The following STX7 variants were observed in gnomAD, a reference collection of about 807,000 sequenced individuals.
STX7 encodes syntaxin-7.
Under a neutral mutation model 39.6 loss-of-function variants are expected in STX7, and 34 were observed. The observed-to-expected ratio is 0.86, with a 90% CI of 0.65 to 1.14. STX7 has a LOEUF of 1.14. STX7 is among the 50% of genes most tolerant of loss of function. The pLI is 0.00. For missense variants in STX7, 284 were observed against 310.4 expected, an observed-to-expected ratio of 0.92 and a Z score of 0.64; for synonymous variants, 119 against 99.1, an observed-to-expected ratio of 1.20 and a Z score of -1.19.
chr6:132,499,980 C>T (rs752250448), intron 2 of STX7, among the ~76,000 whole-genome samples: 2 of 152,162 alleles, frequency 1.3e-5, no homozygotes, highest in African/African-American at 4.8e-5. Flanking sequence ...ATCTTTAACT[C>T]CTTCCTTCCT....
chr6:132,488,792 A>C (rs1775204769), intron 2 of STX7, among the ~76,000 whole-genome samples: 1 of 152,132 alleles, frequency 6.6e-6, no homozygotes, highest in Non-Finnish European at 1.5e-5. Flanking sequence ...ACATATTTAA[A>C]ACAGGACTAG....
At chr6:132,462,730 A>G (rs1198448075) in intron 9 of STX7, among the ~76,000 whole-genome samples, 1 of 152,076 alleles carries the variant, frequency 6.6e-6, no homozygotes, top group Non-Finnish European at 1.5e-5. Flanking sequence ...AATAAACAGG[A>G]GTGACTGTCA....
rs1774156657 is a variant in STX7 at position 132,452,545 on chromosome 6, TA to T, written c.*8212del. 10 of 152,110 alleles carry T rather than the reference TA, an allele frequency of 6.6e-5. No individual in the cohort carries two copies. The highest frequency in any genetic ancestry group is 1.3e-4 in the Non-Finnish European group (9 of 67,974). 9.4% of individuals were successfully genotyped at this position (152,110 alleles called of 1,614,324 possible). On this transcript the variant is annotated 3_prime_UTR_variant, in exon 10 of 10. Coordinates refer to ENST00000367941, the MANE Select transcript of STX7 (RefSeq NM_003569.3). ...GTAAGTGGGCTCAATAAGGTCTCAG[TA>T]TACAAAATAGAAAAATTCACTTTAT...
chr6:132,470,822 ATATAAT>A (rs71003604), intron 5 of STX7, among the ~76,000 whole-genome samples, 196 bp from the exon 6 acceptor site: 35,702 of 151,836 alleles, frequency 0.24, 4,513 homozygotes, highest in East Asian at 0.54. Flanking sequence ...TCAAGTAATA[ATATAAT>A]TATAAGTAAT....
intron 1 of STX7, 130 bp from the exon 2 acceptor site, chr6:132,503,718 C>T (rs973667395): frequency 4.4e-5 from 17 of 383,124 alleles, no homozygotes; most frequent in African/African-American, 2.3e-4. Flanking sequence ...CAAAGTGACA[C>T]ATCAAATAGC....
At chr6:132,500,345 A>G (rs1775527952) in intron 2 of STX7, among the ~76,000 whole-genome samples, 1 of 152,200 alleles carries the variant, frequency 6.6e-6, no homozygotes, top group African/African-American at 2.4e-5. Flanking sequence ...CTCTTGCCCC[A>G]GATGCTGTGC....
At chr6:132,471,412 C>A in intron 5 of STX7, 51 bp downstream of exon 5, 1 of 1,569,486 alleles carries the variant, frequency 6.4e-7, no homozygotes, top group Non-Finnish European at 8.6e-7. Flanking sequence ...TTTTATGGGA[C>A]CCTTAGCAAG....
rs909531814 is a variant in STX7 at position 132,466,593 on chromosome 6, T to C, written c.610+1810A>G. 3.9e-5 allele frequency among the ~76,000 whole-genome samples: 6 copies of C among 152,198 alleles called. No individual in the cohort carries two copies. In the East Asian group the frequency reaches 5.8e-4, roughly 15 times the overall value. ...AAGTCCTCAGACCCCTTCTATTCTC[T>C]ACCCAGACTTAATCCCTGGATTATC... On this transcript the variant is annotated intron_variant, in intron 8 of 9. Transcript: ENST00000367941.
intron 2 of STX7, among the ~76,000 whole-genome samples, chr6:132,499,148 T>C (rs1421244880): frequency 1.3e-5 from 2 of 152,234 alleles, no homozygotes; most frequent in East Asian, 3.8e-4. Flanking sequence ...GCCCTCACTT[T>C]CAAAACATTT....
chr6:132,492,202 T>C (rs1438668589), intron 2 of STX7, among the ~76,000 whole-genome samples: 1 of 151,884 alleles, frequency 6.6e-6, no homozygotes, highest in African/African-American at 2.4e-5. Flanking sequence ...CCATCTAAAA[T>C]ACTCTTTCCC....
At chr6:132,462,775 T>C (rs1472825257) in intron 9 of STX7, among the ~76,000 whole-genome samples, 1 of 152,156 alleles carries the variant, frequency 6.6e-6, no homozygotes, top group South Asian at 2.1e-4. Flanking sequence ...GCAATCTCCA[T>C]AGCTTCATTA....
intron 2 of STX7, among the ~76,000 whole-genome samples, chr6:132,500,631 G>A (rs9483468): frequency 0.077 from 11,757 of 152,228 alleles, 563 homozygotes; most frequent in East Asian, 0.15. Context: ...TACAATGAGA[G>A]CAGGACCTTA....
chr6:132,510,115 T>G (rs989774678), intron 1 of STX7, among the ~76,000 whole-genome samples: 3 of 152,356 alleles, frequency 2.0e-5, no homozygotes, highest in African/African-American at 7.2e-5. Flanking sequence ...GTTGGTTAAC[T>G]AACACCAAAA....
intron 2 of STX7, among the ~76,000 whole-genome samples, chr6:132,498,376 C>T (rs1775469782): frequency 6.6e-6 from 1 of 151,868 alleles, no homozygotes; most frequent in Admixed American, 6.6e-5. Flanking sequence ...TGGTCTTAAA[C>T]CAAAAAAATG....
In STX7 at chr6:132,461,482, T is replaced by G. The variant is rs542689614; in HGVS notation, c.694-632A>C. Among the ~76,000 whole-genome samples the G allele has an allele frequency of 5.3e-5, 8 of 152,058 alleles. No individual in the cohort carries two copies. In the East Asian group the frequency reaches 1.6e-3, roughly 30 times the overall value. ...CCACCACACCCAGCTAATTTTTTTT[T>G]TGTATTTTTAGTAGAGACGGAGTTT... is the stretch of plus-strand genomic sequence containing the variant. On this transcript the variant is annotated intron_variant, in intron 9 of 9. Coordinates refer to ENST00000367941, the MANE Select transcript of STX7 (RefSeq NM_003569.3).
At chr6:132,509,458 ATAACATAACATAACATAACATAAC>A (rs1562343460) in intron 1 of STX7, among the ~76,000 whole-genome samples, 3,391 of 128,844 alleles carry the variant, frequency 0.026, 320 homozygotes, top group Middle Eastern at 0.07. Flanking sequence ...TCAAAATAAC[ATAACATAACATAACATAACATAAC>A]ATAACATAAC....
intron 1 of STX7, among the ~76,000 whole-genome samples, chr6:132,505,090 G>A (rs1775664623): frequency 6.6e-6 from 1 of 150,448 alleles, no homozygotes. Context: ...GTATTTCACA[G>A]ACTAATTTTT....
intron 5 of STX7, 70 bp downstream of exon 5, chr6:132,471,393 A>T: frequency 4.0e-6 from 6 of 1,514,188 alleles, no homozygotes; most frequent in Non-Finnish European, 4.4e-6. Context: ...AAATTATGCT[A>T]CTATAGACTT....
chr6:132,500,003 C>A (rs1775515025), intron 2 of STX7, among the ~76,000 whole-genome samples: 1 of 152,130 alleles, frequency 6.6e-6, no homozygotes, highest in South Asian at 2.1e-4. Flanking sequence ...ACCATCCCTA[C>A]CCACATGCAT....
Sources: gnomAD v4.1 joint callset for allele counts (sites outside exome capture counted in the v4.1 genomes callset) on GRCh38, gnomAD v4.1.1 for gene constraint, MANE v1.5 for transcripts, NCBI Gene and HGNC (gene_info 2026-07-23, HGNC 2026-07-21) for gene names.